Variants in LRP5 observed in about 807,000 individuals in gnomAD.
LRP5 encodes LDL receptor related protein 5.
In LRP5, 62 loss-of-function variants were observed where a neutral mutation model predicts 154.1. That is an observed-to-expected ratio of 0.40 (90% CI 0.33 to 0.50). The LOEUF (loss-of-function observed/expected upper bound fraction) is 0.50, where lower values mean the gene tolerates loss of function less well. Ranked by LOEUF, LRP5 falls within the 20% of genes least tolerant of loss-of-function variation. LRP5 has a pLI of 0.55. For synonymous variants in LRP5, 966 were observed against 1,011.5 expected, an observed-to-expected ratio of 0.96 and a Z score of 0.85; for missense variants, 1,915 against 2,336.7, an observed-to-expected ratio of 0.82 and a Z score of 3.72.
At chr11:68,363,694 G>T in intron 3 of LRP5, 53 bp from the exon 4 acceptor site, 2 of 1,395,222 alleles carry the variant, frequency 1.4e-6, no homozygotes, top group Non-Finnish European at 2.0e-6. Context: ...CAGCAGCAAT[G>T]ACTGTCGGGG....
chr11:68,323,023 G>A (rs774757008), intron 1 of LRP5, among the ~76,000 whole-genome samples: 75 of 152,320 alleles, frequency 4.9e-4, no homozygotes, highest in Middle Eastern at 3.4e-3. Flanking sequence ...CCATTTTCAG[G>A]AAACTTTATA....
chr11:68,318,243 A>G (rs1472381034), intron 1 of LRP5, among the ~76,000 whole-genome samples: 1 of 150,464 alleles, frequency 6.6e-6, no homozygotes, highest in African/African-American at 2.5e-5. Context: ...TTTAGTAGAG[A>G]CGGGGTTTCA....
intron 20 of LRP5, among the ~76,000 whole-genome samples, chr11:68,439,525 T>G (rs1263426476): frequency 1.3e-5 from 2 of 152,188 alleles, no homozygotes; most frequent in African/African-American, 4.8e-5. Context: ...CCGCCTGGGT[T>G]CCCTGCCCCA....
At chr11:68,391,928 A>G (rs1332488500) in intron 7 of LRP5, among the ~76,000 whole-genome samples, 4 of 152,062 alleles carry the variant, frequency 2.6e-5, no homozygotes, top group East Asian at 1.9e-4. Flanking sequence ...TGTAGCCTCA[A>G]TCTCCCTGGG....
At chr11:68,384,117 G>A (rs1447932614) in intron 5 of LRP5, among the ~76,000 whole-genome samples, 1 of 152,104 alleles carries the variant, frequency 6.6e-6, no homozygotes, top group Non-Finnish European at 1.5e-5. Flanking sequence ...TCACGTGGGC[G>A]CCCTCTAGTG....
intron 5 of LRP5, among the ~76,000 whole-genome samples, chr11:68,376,802 G>T (rs182410260): frequency 3.7e-4 from 57 of 152,338 alleles, no homozygotes; most frequent in African/African-American, 1.3e-3. Flanking sequence ...CTGCCTAAAG[G>T]GGGGAGTGTG....
intron 5 of LRP5, among the ~76,000 whole-genome samples, chr11:68,385,465 A>T (rs182865852): frequency 5.3e-5 from 8 of 152,262 alleles, no homozygotes; most frequent in African/African-American, 1.9e-4. Flanking sequence ...ACTGGGGGTC[A>T]TCACTGTGTT....
At chr11:68,406,922 G>A in intron 9 of LRP5, 109 bp downstream of exon 9, 1 of 1,127,992 alleles carries the variant, frequency 8.9e-7, no homozygotes, top group Non-Finnish European at 1.3e-6. Flanking sequence ...CGTATTTATT[G>A]TAACGCAGTT....
intron 6 of LRP5, among the ~76,000 whole-genome samples, chr11:68,388,119 G>A (rs75271005): frequency 0.02 from 3,043 of 152,186 alleles, 115 homozygotes; most frequent in African/African-American, 0.07. Flanking sequence ...CCTGGGGCAC[G>A]GAGGCATGTG....
intron 1 of LRP5, among the ~76,000 whole-genome samples, chr11:68,319,230 G>A (rs2098595330): frequency 6.6e-6 from 1 of 152,132 alleles, no homozygotes. Context: ...ACCATGCCCA[G>A]CTAATTTTTG....
intron 7 of LRP5, among the ~76,000 whole-genome samples, chr11:68,393,684 G>A (rs2098647648): frequency 6.6e-6 from 1 of 152,184 alleles, no homozygotes; most frequent in South Asian, 2.1e-4. Context: ...GGGAGGCTGA[G>A]GCAGGAGAAT....
chr11:68,312,744 G>T lies in LRP5; in HGVS notation c.30G>T (p.Trp10Cys). ...AGGCAGCGCCGCCCGGGCCGCCGTG[G>T]CCGCTGCTGCTGCTGCTGCTGCTGC... MEAAPPGPP[W>C]PLLLLLLLLL... The change falls in exon 1 of 23, where the codon TGG (tryptophan) becomes TGT (cysteine). Residue 10 changes from tryptophan to cysteine, a missense_variant. Coordinates refer to ENST00000294304, the MANE Select transcript of LRP5 (RefSeq NM_002335.4). 9.4e-7 allele frequency: 1 copy of T among 1,069,020 alleles called. No individual in the cohort carries two copies. The highest frequency in any genetic ancestry group is 1.1e-6 in the Non-Finnish European group (1 of 882,674). The allele number at this position is 1,069,020 out of a possible 1,614,324, so 66.2% of individuals were successfully genotyped here. A position where few individuals can be genotyped will look rare whatever the true frequency, so the allele number is the denominator to read the frequency against.
intron 16 of LRP5, among the ~76,000 whole-genome samples, chr11:68,429,281 T>C (rs1246051133): frequency 6.6e-6 from 1 of 152,020 alleles, no homozygotes; most frequent in African/African-American, 2.4e-5. Context: ...GAGAGACAAG[T>C]GGGCAGTTCA....
chr11:68,445,742 T>C, intron 21 of LRP5: 1 of 1,106,262 alleles, frequency 9.0e-7, no homozygotes, highest in Non-Finnish European at 1.2e-6. Context: ...CCTCCCTTTG[T>C]AGGGCTGGTT....
chr11:68,352,437 C>T (rs1224432268), intron 2 of LRP5, among the ~76,000 whole-genome samples: 1 of 152,224 alleles, frequency 6.6e-6, no homozygotes, highest in South Asian at 2.1e-4. Flanking sequence ...GCCCTTTCCT[C>T]GCCACCAGAA....
At chr11:68,367,106 G>A (rs1157778592) in intron 5 of LRP5, among the ~76,000 whole-genome samples, 6 of 152,138 alleles carry the variant, frequency 3.9e-5, no homozygotes, top group African/African-American at 9.7e-5. Context: ...GGGGCCCTTC[G>A]CTGTTGACCG....
chr11:68,309,564 T>G (rs2098586468), upstream of LRP5, among the ~76,000 whole-genome samples: 1 of 148,062 alleles, frequency 6.8e-6, no homozygotes, highest in Admixed American at 6.9e-5. Flanking sequence ...GAGTCTCTGG[T>G]GGCCCCTTCA....
chr11:68,391,562 C>A (rs113647990), intron 7 of LRP5, among the ~76,000 whole-genome samples: 11,109 of 152,240 alleles, frequency 0.073, 1,350 homozygotes, highest in African/African-American at 0.25. Flanking sequence ...GGATTTCAGA[C>A]CCTGCTTCTG....
At chr11:68,410,239 C>T (rs531596496) in intron 10 of LRP5, 99 bp downstream of exon 10, 3 of 974,736 alleles carry the variant, frequency 3.1e-6, no homozygotes, top group Middle Eastern at 2.8e-4. Flanking sequence ...GTGTGGCCCT[C>T]GGTGATTAGA....
Sources: allele counts gnomAD v4.1 joint callset (sites outside exome capture counted in the v4.1 genomes callset), GRCh38; gene constraint gnomAD v4.1.1; transcripts MANE v1.5; gene names NCBI Gene and HGNC (gene_info 2026-07-23, HGNC 2026-07-21).